SLC45A4: variants seen among roughly 807,000 people sequenced by gnomAD.
SLC45A4 encodes solute carrier family 45 member 4, also known as polyamine-transporter SLC45A4.
A neutral mutation model predicts 63.7 loss-of-function variants in SLC45A4; 32 were observed. The ratio of observed to expected loss-of-function variants is 0.50; its 90% confidence interval spans 0.38 to 0.67. The LOEUF (loss-of-function observed/expected upper bound fraction) is 0.67. SLC45A4 is among the 30% of genes least tolerant of loss of function. SLC45A4 has a pLI of 0.00. For synonymous variants in SLC45A4, 535 were observed against 510.0 expected, an observed-to-expected ratio of 1.05 and a Z score of -0.66; for missense variants, 1,027 against 1,157.7, an observed-to-expected ratio of 0.89 and a Z score of 1.64.
At chr8:141,264,472 T>A (rs925987682) in intron 1 of SLC45A4, among the ~76,000 whole-genome samples, 9 of 152,198 alleles carry the variant, frequency 5.9e-5, no homozygotes, top group African/African-American at 2.2e-4. Context: ...GGTCCTGATG[T>A]TGCTGCTTAT....
Position 141,283,510 on chromosome 8 carries a change from G to A in SLC45A4, c.-401+24586C>T, listed in dbSNP as rs544753397. 3.2e-3 allele frequency among the ~76,000 whole-genome samples: 485 copies of A among 152,308 alleles called. 5 individuals carry two copies. Among genetic ancestry groups the A allele is most frequent in the African/African-American group, 0.011 (459 of 41,554 alleles). On this transcript the variant is annotated intron_variant, in intron 1 of 8. Coordinates refer to ENST00000517878, the MANE Select transcript of SLC45A4 (RefSeq NM_001286646.2). ...CACTGCATCCCTGGATGTCCCAACC[G>A]CTCCAGAAATCAATTCCAGGCATCA...
intron 2 of SLC45A4, among the ~76,000 whole-genome samples, chr8:141,230,673 C>T (rs1413949150): frequency 6.6e-6 from 1 of 152,216 alleles, no homozygotes; most frequent in Non-Finnish European, 1.5e-5. Context: ...ACAGTCCGGC[C>T]GCTGCCCCGG....
intron 1 of SLC45A4, among the ~76,000 whole-genome samples, chr8:141,259,641 T>A (rs550960346): frequency 1.3e-5 from 2 of 152,172 alleles, no homozygotes; most frequent in East Asian, 1.9e-4. Context: ...GAACGGGTGA[T>A]CCCCATCTTG....
Position 141,212,576 on chromosome 8 carries a change from AGGCGGTGAGC to A in SLC45A4, c.1942-30_1942-21del, listed in dbSNP as rs750986966. On this transcript the variant is annotated intron_variant, in intron 7 of 8. Transcript: ENST00000517878. The stretch of plus-strand genomic sequence containing the variant: ...GATGTACTGCAAGAGAGGAAACACG[AGGCGGTGAGC>A]GGCTGGAGAAGGTGGCTGCTACCCG... 3.2e-6 allele frequency: 5 copies of A among 1,578,368 alleles called. No individual in the cohort carries two copies. In the South Asian group the frequency reaches 4.5e-5, roughly 14 times the overall value.
chr8:141,255,369 C>G (rs889869033), intron 1 of SLC45A4, among the ~76,000 whole-genome samples: 2 of 152,056 alleles, frequency 1.3e-5, no homozygotes, highest in Admixed American at 1.3e-4. Flanking sequence ...TGTGAGCCAC[C>G]GTGCCCAGCC....
At chr8:141,258,059 CCTTT>C (rs1828877227) in intron 1 of SLC45A4, among the ~76,000 whole-genome samples, 2 of 114,734 alleles carry the variant, frequency 1.7e-5, no homozygotes, top group Non-Finnish European at 3.5e-5. Context: ...GTTTCTTCTT[CCTTT>C]TTTTTTTTTT....
intron 1 of SLC45A4, among the ~76,000 whole-genome samples, chr8:141,296,717 T>C (rs1394653826): frequency 6.7e-6 from 1 of 148,288 alleles, no homozygotes; most frequent in Non-Finnish European, 1.5e-5. Context: ...ACACCTGTGG[T>C]CCCAGCTACT....
intron 2 of SLC45A4, 150 bp from the exon 3 acceptor site, chr8:141,221,915 C>A: frequency 1.3e-6 from 1 of 769,322 alleles, no homozygotes; most frequent in Non-Finnish European, 2.0e-6. Context: ...GGTAGACTTT[C>A]CTTTTTCTGC....
chr8:141,271,506 G>A (rs1016451016), intron 1 of SLC45A4, among the ~76,000 whole-genome samples: 1 of 152,174 alleles, frequency 6.6e-6, no homozygotes, highest in Non-Finnish European at 1.5e-5. Flanking sequence ...GCTGGACAAC[G>A]GGGTGCCAAG....
In SLC45A4 at chr8:141,254,769, T is replaced by G; in HGVS notation, c.-400-140A>C. On this transcript the variant is annotated intron_variant, in intron 1 of 8. Transcript: ENST00000517878. The surrounding 1 kb of genome is among the most constrained non-coding windows in gnomAD (Gnocchi z 4.5). ...TCACACAGCTCTCTGCCACTCACTC[T>G]GGGTACGTCTGTGCAAATAACCAAA... 1 of 661,158 alleles carries G rather than the reference T, an allele frequency of 1.5e-6. No individual in the cohort carries two copies. The highest frequency in any genetic ancestry group is 2.8e-6 in the Non-Finnish European group (1 of 358,324). The allele number at this position is 661,158 out of a possible 1,614,324, so 41.0% of individuals were successfully genotyped here.
intron 1 of SLC45A4, among the ~76,000 whole-genome samples, chr8:141,283,027 G>A (rs1830011642): frequency 6.6e-6 from 1 of 152,262 alleles, no homozygotes; most frequent in Non-Finnish European, 1.5e-5. Flanking sequence ...GAGGCCAGCA[G>A]AAGTTTCTGG....
At chr8:141,287,511 A>G (rs890991920) in intron 1 of SLC45A4, among the ~76,000 whole-genome samples, 10 of 152,326 alleles carry the variant, frequency 6.6e-5, no homozygotes, top group African/African-American at 1.9e-4. Context: ...TCCCATTTCC[A>G]TGGCCAGGAC....
intron 2 of SLC45A4, among the ~76,000 whole-genome samples, chr8:141,243,544 C>CTGA (rs940671847): frequency 1.3e-5 from 2 of 152,166 alleles, no homozygotes; most frequent in African/African-American, 4.8e-5. Context: ...CTTTGGGAGG[C>CTGA]TGAGGCAGGA....
intron 1 of SLC45A4, among the ~76,000 whole-genome samples, chr8:141,275,229 T>A (rs1829687220): frequency 6.6e-6 from 1 of 152,218 alleles, no homozygotes; most frequent in African/African-American, 2.4e-5. Context: ...AAAAGTCAGC[T>A]GTTCAGAACC....
rs558958763 is a variant in SLC45A4 at position 141,289,954 on chromosome 8, C to T, written c.-401+18142G>A. ...AGATCTCAGTCCCCTACAAAGCATG[C>T]AGTCCCTCACCTCAGCAGGGAAAAT... On this transcript the variant is annotated intron_variant, in intron 1 of 8. Transcript: ENST00000517878. 1.1e-4 allele frequency among the ~76,000 whole-genome samples: 16 copies of T among 152,266 alleles called. No homozygotes were observed. In the East Asian group the frequency reaches 2.9e-3, roughly 28 times the overall value.
intron 2 of SLC45A4, among the ~76,000 whole-genome samples, chr8:141,237,002 G>A (rs144244855): frequency 1.9e-4 from 29 of 152,036 alleles, no homozygotes; most frequent in African/African-American, 6.8e-4. Context: ...ATTTCCTTTT[G>A]GCTTTTGTTA....
chr8:141,281,358 G>C (rs552151688), intron 1 of SLC45A4, among the ~76,000 whole-genome samples: 1 of 152,134 alleles, frequency 6.6e-6, no homozygotes, highest in Non-Finnish European at 1.5e-5. Flanking sequence ...AAAAACCTCC[G>C]AATCAGTCTC....
intron 1 of SLC45A4, among the ~76,000 whole-genome samples, chr8:141,277,370 A>C (rs982863085): frequency 6.6e-6 from 1 of 152,270 alleles, no homozygotes; most frequent in Non-Finnish European, 1.5e-5. Context: ...AGTGATGGAC[A>C]AAGGTTCATG....
rs1326187298 is a variant in SLC45A4 at position 141,256,845 on chromosome 8, A to C, written c.-400-2216T>G. On this transcript the variant is annotated intron_variant, in intron 1 of 8. Coordinates refer to ENST00000517878, the MANE Select transcript of SLC45A4 (RefSeq NM_001286646.2). This position sits in a 1 kb window ranked among gnomAD's most constrained non-coding sequence, Gnocchi z 4.3. ...CCTTACTGCAATATTTTTTCAAAAA[A>C]CTGTGTAATGAAACTTTTTTTTTTT... is the stretch of plus-strand genomic sequence containing the variant. 1.8e-5 allele frequency: 6 copies of C among 339,562 alleles called. No homozygotes were observed. Among genetic ancestry groups the C allele is most frequent in the Non-Finnish European group, 3.5e-5 (6 of 170,614 alleles). The allele number at this position is 339,562 out of a possible 1,614,324, so 21.0% of individuals were successfully genotyped here.
Sources: gnomAD v4.1 joint callset for allele counts (sites outside exome capture counted in the v4.1 genomes callset) on GRCh38, gnomAD v4.1.1 for gene constraint, Gnocchi (gnomAD v3.1) non-coding constraint, MANE v1.5 for transcripts, NCBI Gene and HGNC (gene_info 2026-07-23, HGNC 2026-07-21) for gene names.